Variants in LRRTM4 observed in about 807,000 individuals in gnomAD.
LRRTM4 encodes leucine-rich repeat transmembrane neuronal protein 4.
Under a neutral mutation model 47.6 loss-of-function variants are expected in LRRTM4, and 25 were observed. The ratio of observed to expected loss-of-function variants is 0.53; its 90% CI spans 0.38 to 0.73. LRRTM4 has a LOEUF of 0.73. LRRTM4 is among the 30% of genes least tolerant of loss of function. The pLI, the probability that LRRTM4 is intolerant of heterozygous loss-of-function variation, is 0.00. For synonymous variants in LRRTM4, 311 were observed against 269.5 expected, an observed-to-expected ratio of 1.15 and a Z score of -1.51; for missense variants, 638 against 713.4, an observed-to-expected ratio of 0.89 and a Z score of 1.20.
chr2:77,442,301 T>A (rs1003010976), intron 3 of LRRTM4, among the ~76,000 whole-genome samples: 4 of 152,162 alleles, frequency 2.6e-5, no homozygotes, highest in African/African-American at 9.7e-5. Context: ...CAAGAAAGCA[T>A]CATGTATTTT....
At chr2:77,085,405 G>T (rs1169909688) in intron 3 of LRRTM4, among the ~76,000 whole-genome samples, 15 of 150,090 alleles carry the variant, frequency 1.0e-4, no homozygotes, top group South Asian at 2.1e-4. Context: ...CTGTTTTAAG[G>T]ATGTTATTTG....
intron 3 of LRRTM4, among the ~76,000 whole-genome samples, chr2:77,375,436 T>C (rs1054618038): frequency 5.3e-5 from 8 of 151,734 alleles, no homozygotes; most frequent in African/African-American, 1.7e-4. Flanking sequence ...GTTTGTTCTG[T>C]TTTGTGATAA....
chr2:77,432,080 G>T (rs1558740808), intron 3 of LRRTM4, among the ~76,000 whole-genome samples: 1 of 151,754 alleles, frequency 6.6e-6, no homozygotes, highest in African/African-American at 2.4e-5. Flanking sequence ...CTCAAAAAAA[G>T]AAAAAAAGAA....
intron 3 of LRRTM4, among the ~76,000 whole-genome samples, chr2:76,808,445 G>GAA (rs369001552): frequency 0.13 from 18,412 of 147,100 alleles, 1,496 homozygotes; most frequent in East Asian, 0.37. Flanking sequence ...TTGATTTTGG[G>GAA]AAAAAAAAAA....
intron 3 of LRRTM4, among the ~76,000 whole-genome samples, chr2:77,469,945 T>A (rs1428265771): frequency 8.5e-5 from 13 of 152,142 alleles, no homozygotes; most frequent in Admixed American, 8.5e-4. Context: ...AAACAAAGAC[T>A]TTTTATTTAT....
chr2:76,748,852 T>C lies in LRRTM4; in HGVS notation c.1616A>G (p.Gln539Arg). ...GGTGACATGGAGTGGCTGGTGGGCC[T>C]GGCAGTACCCGATCACAGGCTGGTC... ...SYDQPVIGYC[Q>R]AHQPLHVTKG... The change falls in exon 4 of 4, where the codon CAG (glutamine) becomes CGG (arginine). Residue 539 changes from glutamine (Q) to arginine (R), a missense_variant. Coordinates refer to ENST00000409884, the MANE Select transcript of LRRTM4 (RefSeq NM_001134745.3). 6.2e-7 allele frequency: 1 copy of C among 1,613,988 alleles called. No individual in the cohort carries two copies.
chr2:77,422,639 A>G (rs1410002746), intron 3 of LRRTM4, among the ~76,000 whole-genome samples: 2 of 152,214 alleles, frequency 1.3e-5, no homozygotes, highest in African/African-American at 2.4e-5. Context: ...TGACTATGAT[A>G]TTGAGAAACT....
Position 77,155,465 on chromosome 2 carries a change from G to C in LRRTM4, c.1551+362853C>G, listed in dbSNP as rs147482296. Among the ~76,000 whole-genome samples, 18 of 151,760 alleles carry C rather than the reference G, an allele frequency of 1.2e-4. 1 individual carries two copies. In the East Asian group the frequency reaches 2.3e-3, roughly 20 times the overall value. ...TCACCAGGGATAGAATCAAACAAAT[G>C]ATAAAATACTTTAAACATTTTCAGA... On this transcript the variant is annotated intron_variant, in intron 3 of 3. Coordinates refer to ENST00000409884, the MANE Select transcript of LRRTM4 (RefSeq NM_001134745.3).
chr2:76,964,272 G>C (rs1675952385), intron 3 of LRRTM4, among the ~76,000 whole-genome samples: 1 of 150,998 alleles, frequency 6.6e-6, no homozygotes, highest in South Asian at 2.1e-4. Flanking sequence ...CAACTCTTCA[G>C]ATATGCAAGA....
rs369792228 is a variant in LRRTM4 at position 77,452,155 on chromosome 2, T to C, written c.1551+66163A>G. 3.3e-5 allele frequency among the ~76,000 whole-genome samples: 5 copies of C among 152,198 alleles called. No individual in the cohort carries two copies. In the East Asian group the frequency reaches 7.7e-4, roughly 24 times the overall value. On this transcript the variant is annotated intron_variant, in intron 3 of 3. Transcript: ENST00000409884. The stretch of plus-strand genomic sequence containing the variant: ...TAGAGGAGTCTCATGATCAGGTTTA[T>C]GTTTTTAAAAGTGACTTTTACAATT...
intron 3 of LRRTM4, among the ~76,000 whole-genome samples, chr2:77,022,814 T>G (rs1678321731): frequency 6.6e-6 from 1 of 152,122 alleles, no homozygotes; most frequent in Non-Finnish European, 1.5e-5. Context: ...TGGGCTGGCA[T>G]TGAGTGTCTG....
At chr2:77,057,011 C>G (rs555300477) in intron 3 of LRRTM4, among the ~76,000 whole-genome samples, 1 of 152,310 alleles carries the variant, frequency 6.6e-6, no homozygotes, top group South Asian at 2.1e-4. Flanking sequence ...GGTAACATAG[C>G]CATGACTATT....
At chr2:77,140,852 C>A (rs1456461791) in intron 3 of LRRTM4, among the ~76,000 whole-genome samples, 1 of 152,094 alleles carries the variant, frequency 6.6e-6, no homozygotes, top group Non-Finnish European at 1.5e-5. Flanking sequence ...ATTTATGCAG[C>A]CAACAGACAC....
intron 3 of LRRTM4, among the ~76,000 whole-genome samples, chr2:77,514,341 A>T (rs1170841485): frequency 6.6e-6 from 1 of 152,060 alleles, no homozygotes; most frequent in Non-Finnish European, 1.5e-5. Context: ...AAGAATATCA[A>T]TATCTAAAGT....
At chr2:77,476,531 T>A (rs570439235) in intron 3 of LRRTM4, among the ~76,000 whole-genome samples, 136 of 152,214 alleles carry the variant, frequency 8.9e-4, no homozygotes, top group African/African-American at 3.1e-3. Flanking sequence ...AAGCACCATT[T>A]AGAAAATTCA....
chr2:77,357,634 A>T (rs1672017187), intron 3 of LRRTM4, among the ~76,000 whole-genome samples: 1 of 152,232 alleles, frequency 6.6e-6, no homozygotes, highest in Non-Finnish European at 1.5e-5. Context: ...AAAGGCATTT[A>T]AAAGACATGG....
At chr2:77,487,167 G>A (rs1262901434) in intron 3 of LRRTM4, among the ~76,000 whole-genome samples, 2 of 152,232 alleles carry the variant, frequency 1.3e-5, no homozygotes, top group Admixed American at 6.5e-5. Flanking sequence ...GCCAGGAACA[G>A]GAGGGAGCCC....
intron 3 of LRRTM4, among the ~76,000 whole-genome samples, chr2:77,283,490 A>G (rs1676561959): frequency 6.6e-6 from 1 of 151,340 alleles, no homozygotes; most frequent in African/African-American, 2.4e-5. Context: ...AAAAGAAAAC[A>G]AATGTTCCTA....
chr2:77,017,503 A>C (rs2104089986), intron 3 of LRRTM4, among the ~76,000 whole-genome samples: 1 of 152,230 alleles, frequency 6.6e-6, no homozygotes, highest in East Asian at 1.9e-4. Context: ...AGGTCTGGTA[A>C]GTACAAGTAA....
Sources: gnomAD v4.1 joint callset for allele counts (sites outside exome capture counted in the v4.1 genomes callset) on GRCh38, gnomAD v4.1.1 for gene constraint, MANE v1.5 for transcripts, NCBI Gene and HGNC (gene_info 2026-07-23, HGNC 2026-07-21) for gene names.